CTNND2: variants seen among roughly 807,000 people sequenced by gnomAD.
CTNND2 encodes the protein catenin delta-2.
In CTNND2, 22 loss-of-function variants were observed where a neutral mutation model predicts 144.4. That is an observed-to-expected ratio of 0.15 (90% confidence interval 0.11 to 0.22). The LOEUF (loss-of-function observed/expected upper bound fraction) is 0.22. Ranked by LOEUF, CTNND2 falls within the 10% of genes least tolerant of loss-of-function variation. CTNND2 has a pLI of 1.00. For synonymous variants in CTNND2, 751 were observed against 695.6 expected, an observed-to-expected ratio of 1.08 and a Z score of -1.25; for missense variants, 1,353 against 1,618.8, an observed-to-expected ratio of 0.84 and a Z score of 2.82.
chr5:11,226,538 C>T (rs144648551), intron 10 of CTNND2, among the ~76,000 whole-genome samples: 93 of 152,242 alleles, frequency 6.1e-4, no homozygotes, highest in South Asian at 5.8e-3. Context: ...ACAATCATGG[C>T]GGAAGATGAA....
chr5:11,738,308 G>T (rs1170153742), intron 1 of CTNND2, among the ~76,000 whole-genome samples: 2 of 152,166 alleles, frequency 1.3e-5, no homozygotes, highest in African/African-American at 4.8e-5. Flanking sequence ...AAGAAATTCA[G>T]AAAAATTGGC....
At chr5:11,477,813 T>C (rs1266404519) in intron 3 of CTNND2, among the ~76,000 whole-genome samples, 1 of 152,226 alleles carries the variant, frequency 6.6e-6, no homozygotes, top group Non-Finnish European at 1.5e-5. Flanking sequence ...GGTGATGGCA[T>C]CCATGTTTCC....
At chr5:11,002,570 G>A (rs1740067750) in intron 18 of CTNND2, among the ~76,000 whole-genome samples, 2 of 152,202 alleles carry the variant, frequency 1.3e-5, no homozygotes, top group South Asian at 4.1e-4. Context: ...AAGGTTGAGT[G>A]GATTTGGTGA....
intron 3 of CTNND2, among the ~76,000 whole-genome samples, chr5:11,522,908 A>G (rs1490603711): frequency 1.3e-5 from 2 of 152,230 alleles, no homozygotes; most frequent in African/African-American, 4.8e-5. Flanking sequence ...AGAAGCACCC[A>G]TGCGTTTGAA....
chr5:11,649,854 C>A (rs915762593), intron 2 of CTNND2, among the ~76,000 whole-genome samples: 1 of 152,154 alleles, frequency 6.6e-6, no homozygotes, highest in African/African-American at 2.4e-5. Flanking sequence ...CTAAGTCTCA[C>A]GATGACCATA....
intron 3 of CTNND2, among the ~76,000 whole-genome samples, chr5:11,550,004 C>T (rs1165874938): frequency 6.6e-6 from 1 of 152,102 alleles, no homozygotes; most frequent in Non-Finnish European, 1.5e-5. Flanking sequence ...ACGCATATAA[C>T]ATGTCATAAA....
chr5:11,441,171 A>T (rs2149892754), intron 3 of CTNND2, among the ~76,000 whole-genome samples: 1 of 152,218 alleles, frequency 6.6e-6, no homozygotes, highest in South Asian at 2.1e-4. Context: ...TGTTACTGAA[A>T]TGTGTGTCAC....
intron 3 of CTNND2, among the ~76,000 whole-genome samples, chr5:11,417,030 T>G (rs1761990393): frequency 6.6e-6 from 1 of 152,212 alleles, no homozygotes; most frequent in South Asian, 2.1e-4. Context: ...AAAGAAATTT[T>G]GAAACAATAT....
intron 3 of CTNND2, among the ~76,000 whole-genome samples, chr5:11,469,256 T>TC (rs1249149447): frequency 1.3e-5 from 2 of 152,132 alleles, no homozygotes; most frequent in Non-Finnish European, 2.9e-5. Context: ...TTTCCTTTTT[T>TC]CCCCCTGGAA....
chr5:11,268,134 C>G (rs1745642790), intron 9 of CTNND2, among the ~76,000 whole-genome samples: 1 of 152,226 alleles, frequency 6.6e-6, no homozygotes, highest in South Asian at 2.1e-4. Flanking sequence ...TCTGGAAAAT[C>G]CAGGTAGGTG....
chr5:11,383,257 G>A (rs906000243), intron 7 of CTNND2, among the ~76,000 whole-genome samples: 3 of 152,166 alleles, frequency 2.0e-5, no homozygotes, highest in Admixed American at 1.3e-4. Context: ...GTGGTGGTGC[G>A]CATGGCTGAG....
At chr5:11,192,601 C>T (rs546908548) in intron 11 of CTNND2, among the ~76,000 whole-genome samples, 1 of 152,228 alleles carries the variant, frequency 6.6e-6, no homozygotes, top group African/African-American at 2.4e-5. Flanking sequence ...ATGGAGGACT[C>T]ATCAGGGATG....
At position 11,031,193 on chromosome 5, in the gene CTNND2, AG is replaced by A. The variant is rs1348970205; in HGVS notation, c.2789-8215del. 3.9e-5 allele frequency among the ~76,000 whole-genome samples: 6 copies of A among 152,292 alleles called. No homozygotes were observed. In the East Asian group the frequency reaches 1.2e-3, roughly 29 times the overall value. On this transcript the variant is annotated intron_variant, in intron 16 of 21. Coordinates refer to ENST00000304623, the MANE Select transcript of CTNND2 (RefSeq NM_001332.4). ...TGAAAATAACTTCAGCCAAAGATAG[AG>A]GGGCTTGCAATCATGGTATGGGTAT... is the stretch of plus-strand genomic sequence containing the variant.
chr5:11,869,858 G>A (rs370892374), intron 1 of CTNND2, among the ~76,000 whole-genome samples: 11 of 152,204 alleles, frequency 7.2e-5, no homozygotes, highest in African/African-American at 2.2e-4. Flanking sequence ...GCCAGAAGGG[G>A]GTCACTAAGG....
chr5:11,421,957 G>T (rs1762397814), intron 3 of CTNND2, among the ~76,000 whole-genome samples: 1 of 152,130 alleles, frequency 6.6e-6, no homozygotes, highest in Non-Finnish European at 1.5e-5. Context: ...AAAGTTAAGG[G>T]TATAAAACAC....
chr5:11,377,353 C>A (rs577014616), intron 7 of CTNND2, among the ~76,000 whole-genome samples: 3 of 152,098 alleles, frequency 2.0e-5, no homozygotes, highest in Admixed American at 6.6e-5. Flanking sequence ...CTGGGCCCAG[C>A]CTCTGTGTTT....
At chr5:11,565,168 A>T (rs1274650703) in intron 2 of CTNND2, 112 bp from the exon 3 acceptor site, 1 of 740,790 alleles carries the variant, frequency 1.3e-6, no homozygotes, top group Non-Finnish European at 2.3e-6. Flanking sequence ...AAGATGTCAA[A>T]TTTGAGAAAT....
intron 1 of CTNND2, among the ~76,000 whole-genome samples, chr5:11,791,409 G>C (rs373850732): frequency 1.3e-5 from 2 of 152,294 alleles, no homozygotes; most frequent in African/African-American, 4.8e-5. Context: ...ATCTGAGCTA[G>C]TATGAAAGCA....
At chr5:11,160,564 T>A (rs1758670429) in intron 11 of CTNND2, among the ~76,000 whole-genome samples, 1 of 152,226 alleles carries the variant, frequency 6.6e-6, no homozygotes, top group Non-Finnish European at 1.5e-5. Context: ...AAAATGCTTT[T>A]AAATAATTAT....
Sources: gnomAD v4.1 joint callset for allele counts (sites outside exome capture counted in the v4.1 genomes callset) on GRCh38, gnomAD v4.1.1 for gene constraint, MANE v1.5 for transcripts, NCBI Gene and HGNC (gene_info 2026-07-23, HGNC 2026-07-21) for gene names.